The following MSH3 variants were observed in gnomAD, a reference collection of about 807,000 sequenced individuals.
MSH3 encodes the protein DNA mismatch repair protein Msh3.
A neutral mutation model predicts 123.3 loss-of-function variants in MSH3; 106 were observed. That is an observed-to-expected ratio of 0.86 (90% CI 0.73 to 1.01). The LOEUF is 1.01. Ranked by LOEUF, MSH3 falls within the 50% of genes least tolerant of loss-of-function variation. MSH3 has a pLI of 0.00. For missense variants in MSH3, 1,459 were observed against 1,347.6 expected (o/e 1.08, Z -1.29); for synonymous variants, 515 against 481.4 (o/e 1.07, Z -0.91).
chr5:80,729,460 G>GTGTGTGTGTGTGTGTA lies in MSH3; in HGVS notation c.1568+496_1568+497insGTGTGTGTGTGTGTAT, dbSNP rs1277559108. ...TGTGTGTGTGTGTGTGTGTGTGTGT[G>GTGTGTGTGTGTGTGTA]TATATATATATATATATATAAAGAA... On this transcript the variant is annotated intron_variant, in intron 10 of 23. Transcript: ENST00000265081. 1.9e-3 allele frequency among the ~76,000 whole-genome samples: 181 copies of GTGTGTGTGTGTGTGTA among 95,008 alleles called. 3 individuals carry two copies. The highest frequency in any genetic ancestry group is 9.3e-3 in the East Asian group (33 of 3,552). The allele number at this position is 95,008 out of a possible 152,430, so 62.3% of individuals were successfully genotyped here.
intron 8 of MSH3, among the ~76,000 whole-genome samples, chr5:80,686,658 A>G (rs1232258123): frequency 6.6e-6 from 1 of 152,058 alleles, no homozygotes; most frequent in Non-Finnish European, 1.5e-5. Flanking sequence ...TACAACCAGT[A>G]AACAATACAG....
intron 8 of MSH3, among the ~76,000 whole-genome samples, chr5:80,689,709 C>G (rs1750183665): frequency 6.7e-6 from 1 of 150,182 alleles, no homozygotes; most frequent in African/African-American, 2.4e-5. Flanking sequence ...AACGGAAGAC[C>G]GAGTTCTTTT....
intron 2 of MSH3, among the ~76,000 whole-genome samples, chr5:80,662,778 G>T (rs1297847325): frequency 6.6e-6 from 1 of 151,582 alleles, no homozygotes; most frequent in Non-Finnish European, 1.5e-5. Flanking sequence ...AGTGAGCCGA[G>T]ATCGCGCCAT....
chr5:80,753,436 T>G (rs952254999), intron 12 of MSH3, among the ~76,000 whole-genome samples: 3 of 152,174 alleles, frequency 2.0e-5, no homozygotes, highest in African/African-American at 7.2e-5. Flanking sequence ...GAGTCTTTTA[T>G]GGGGGCCTAC....
At chr5:80,741,326 T>G in intron 10 of MSH3, 138 bp from the exon 11 acceptor site, 1 of 674,544 alleles carries the variant, frequency 1.5e-6, no homozygotes, top group East Asian at 2.7e-5. Context: ...TGAATTTTCA[T>G]TTTGCTCCTT....
intron 8 of MSH3, among the ~76,000 whole-genome samples, chr5:80,688,829 G>A (rs533758793): frequency 1.3e-5 from 2 of 151,998 alleles, no homozygotes; most frequent in South Asian, 4.2e-4. Context: ...TCACACATAC[G>A]AAATGTTATT....
In MSH3 at chr5:80,728,703, G is replaced by A. The variant is rs185754421; in HGVS notation, c.1454-148G>A. On this transcript the variant is annotated intron_variant, in intron 9 of 23. Transcript: ENST00000265081. ...CCAAAGGTCAATTTTAGGAGATATTGTCCAAATTATTATTTTGGTAACCAT... is the reference window on the plus strand; with the variant it reads ...CCAAAGGTCAATTTTAGGAGATATTATCCAAATTATTATTTTGGTAACCAT... The A allele has an allele frequency of 2.6e-4, 149 of 565,412 alleles. 1 individual carries two copies. Among genetic ancestry groups the A allele is most frequent in the Non-Finnish European group, 3.4e-5 (11 of 321,504 alleles). 35.0% of individuals were successfully genotyped at this position (565,412 alleles called of 1,614,324 possible). A position where few individuals can be genotyped will look rare whatever the true frequency, so the allele number is the denominator to read the frequency against.
chr5:80,663,423 C>T (rs967376712), intron 2 of MSH3, among the ~76,000 whole-genome samples: 1 of 152,110 alleles, frequency 6.6e-6, no homozygotes, highest in Middle Eastern at 3.4e-3. Flanking sequence ...TTCCCCTGGC[C>T]TCTCTACTCC....
At chr5:80,786,157 TAATTAAAAAATA>T (rs1184603712) in intron 17 of MSH3, among the ~76,000 whole-genome samples, 1 of 151,788 alleles carries the variant, frequency 6.6e-6, no homozygotes, top group Admixed American at 6.6e-5. Flanking sequence ...ATTAATTAAT[TAATTAAAAAATA>T]AATTAAAAAA....
At chr5:80,820,180 A>T (rs1745181368) in intron 20 of MSH3, among the ~76,000 whole-genome samples, 1 of 152,228 alleles carries the variant, frequency 6.6e-6, no homozygotes. Context: ...TTAAAACATC[A>T]ATGCCCAATA....
intron 17 of MSH3, among the ~76,000 whole-genome samples, chr5:80,779,545 CATT>C (rs1384321860): frequency 1.3e-5 from 2 of 149,650 alleles, no homozygotes; most frequent in East Asian, 2.0e-4. Context: ...AAAAAATTAA[CATT>C]AATTTTTTTT....
intron 2 of MSH3, among the ~76,000 whole-genome samples, chr5:80,660,889 G>A (rs543873893): frequency 9.2e-5 from 14 of 152,086 alleles, no homozygotes; most frequent in African/African-American, 2.2e-4. Flanking sequence ...CCTCTGCCCC[G>A]CCAAGTTTAA....
intron 21 of MSH3, chr5:80,855,798 C>G (rs2112108351): frequency 6.6e-6 from 1 of 151,920 alleles, no homozygotes; most frequent in East Asian, 1.9e-4. Context: ...TAGGTTGTAC[C>G]TAGCTATGGC....
At chr5:80,762,821 TTATG>T (rs1180825540) in intron 13 of MSH3, among the ~76,000 whole-genome samples, 31 of 149,702 alleles carry the variant, frequency 2.1e-4, no homozygotes, top group South Asian at 1.1e-3. Flanking sequence ...TTATGTTATG[TTATG>T]TTATGTTATT....
chr5:80,728,764 A>C, intron 9 of MSH3, 87 bp from the exon 10 acceptor site: 1 of 733,984 alleles, frequency 1.4e-6, no homozygotes, highest in Non-Finnish European at 2.3e-6. Flanking sequence ...AATAATGCTA[A>C]CAAGTTAATG....
intron 20 of MSH3, among the ~76,000 whole-genome samples, chr5:80,851,732 T>G (rs561267698): frequency 6.6e-6 from 1 of 152,342 alleles, no homozygotes; most frequent in East Asian, 1.9e-4. Context: ...TACATTAAAC[T>G]TTTAAATCCA....
intron 8 of MSH3, among the ~76,000 whole-genome samples, chr5:80,694,508 C>T (rs1005744253): frequency 6.6e-6 from 1 of 151,948 alleles, no homozygotes; most frequent in Non-Finnish European, 1.5e-5. Flanking sequence ...ATAATTTTTC[C>T]TTGAACCATC....
At chr5:80,710,961 A>G (rs952240244) in intron 8 of MSH3, among the ~76,000 whole-genome samples, 1 of 152,170 alleles carries the variant, frequency 6.6e-6, no homozygotes, top group East Asian at 1.9e-4. Flanking sequence ...ACCTCATTGC[A>G]GACAGAAGTA....
chr5:80,711,504 A>C (rs934343628), intron 8 of MSH3, among the ~76,000 whole-genome samples: 1 of 152,058 alleles, frequency 6.6e-6, no homozygotes, highest in African/African-American at 2.4e-5. Context: ...GCTGACTGTC[A>C]AACTGGGTCT....
Sources: gnomAD v4.1 joint callset for allele counts (sites outside exome capture counted in the v4.1 genomes callset) on GRCh38, gnomAD v4.1.1 for gene constraint, MANE v1.5 for transcripts, NCBI Gene and HGNC (gene_info 2026-07-23, HGNC 2026-07-21) for gene names.